The following CALN1 variants were observed in gnomAD, a reference collection of about 807,000 sequenced individuals.
CALN1 encodes calcium-binding protein 8.
Under a neutral mutation model 30.6 loss-of-function variants are expected in CALN1, and 17 were observed. The ratio of observed to expected loss-of-function variants is 0.56; its 90% confidence interval spans 0.38 to 0.83. The LOEUF is 0.83. Ranked by LOEUF, CALN1 falls within the 40% of genes least tolerant of loss-of-function variation. The probability of loss-of-function intolerance (pLI) is 0.00; values close to 1 mark genes in which losing one functional copy is unlikely to be tolerated. For synonymous variants in CALN1, 156 were observed against 131.4 expected, an observed-to-expected ratio of 1.19 and a Z score of -1.28; for missense variants, 291 against 354.9, an observed-to-expected ratio of 0.82 and a Z score of 1.45.
intron 5 of CALN1, among the ~76,000 whole-genome samples, chr7:71,936,924 T>C (rs772562200): frequency 1.3e-5 from 2 of 152,196 alleles, no homozygotes; most frequent in East Asian, 1.9e-4. Context: ...TCTCCCTCAT[T>C]TTCTCTTGCT....
At chr7:72,176,442 G>A (rs1198524324) in intron 3 of CALN1, among the ~76,000 whole-genome samples, 2 of 152,080 alleles carry the variant, frequency 1.3e-5, no homozygotes, top group Non-Finnish European at 2.9e-5. Context: ...AGGTGTTTGG[G>A]TCATGGGGGC....
chr7:72,400,304 G>A (rs1433567625), intron 2 of CALN1, among the ~76,000 whole-genome samples: 1 of 152,104 alleles, frequency 6.6e-6, no homozygotes, highest in Non-Finnish European at 1.5e-5. Context: ...TTGTTTCCCA[G>A]GGGATTTGGA....
At chr7:71,962,967 T>C (rs1274772551) in intron 5 of CALN1, among the ~76,000 whole-genome samples, 1 of 152,168 alleles carries the variant, frequency 6.6e-6, no homozygotes, top group African/African-American at 2.4e-5. Flanking sequence ...TAAATTCTCA[T>C]ATATAAGGAT....
intron 5 of CALN1, among the ~76,000 whole-genome samples, chr7:71,940,143 G>A (rs1796052137): frequency 6.6e-6 from 1 of 152,092 alleles, no homozygotes. Flanking sequence ...CCTTTTTCCA[G>A]GCTCTGATCT....
chr7:72,203,887 C>T (rs1791615546), intron 3 of CALN1, among the ~76,000 whole-genome samples: 2 of 151,314 alleles, frequency 1.3e-5, no homozygotes, highest in African/African-American at 2.4e-5. Flanking sequence ...AAAATATACC[C>T]ATTATCCCAA....
intron 4 of CALN1, among the ~76,000 whole-genome samples, chr7:72,063,065 C>T (rs1803774275): frequency 6.6e-6 from 1 of 152,072 alleles, no homozygotes; most frequent in African/African-American, 2.4e-5. Flanking sequence ...GAGTCTAATA[C>T]CTCTCATGAA....
chr7:72,012,153 C>T (rs1043917279), intron 5 of CALN1, among the ~76,000 whole-genome samples: 6 of 152,322 alleles, frequency 3.9e-5, no homozygotes, highest in African/African-American at 1.4e-4. Context: ...CACCTACAGC[C>T]GCTGGTCAGC....
At chr7:72,023,909 G>A (rs1013655763) in intron 4 of CALN1, 140 bp from the exon 5 acceptor site, 1 of 559,040 alleles carries the variant, frequency 1.8e-6, no homozygotes, top group Non-Finnish European at 3.2e-6. Context: ...ACTTAAAACT[G>A]TTCAATGTTC....
chr7:71,923,460 C>G (rs1795088351), intron 5 of CALN1, among the ~76,000 whole-genome samples: 1 of 152,116 alleles, frequency 6.6e-6, no homozygotes. Context: ...TGTGATTCAT[C>G]CAATTAACCT....
the CALN1 span, among the ~76,000 whole-genome samples, chr7:72,453,883 G>A: frequency 1.4e-4 from 22 of 152,170 alleles, no homozygotes; most frequent in South Asian, 2.1e-3. Flanking sequence ...GTTGGAGCCC[G>A]CTGGCACATC....
At chr7:72,154,666 C>T (rs537891050) in intron 3 of CALN1, among the ~76,000 whole-genome samples, 1 of 152,110 alleles carries the variant, frequency 6.6e-6, no homozygotes, top group Non-Finnish European at 1.5e-5. Context: ...GTCCTAACCT[C>T]CAGCAGGGCT....
intron 3 of CALN1, among the ~76,000 whole-genome samples, chr7:72,150,214 A>G (rs1451601281): frequency 6.6e-6 from 1 of 152,104 alleles, no homozygotes; most frequent in African/African-American, 2.4e-5. Flanking sequence ...AATCTTTTGC[A>G]TATGCAAGAT....
intron 2 of CALN1, among the ~76,000 whole-genome samples, chr7:72,372,016 G>C (rs1804274218): frequency 6.6e-6 from 1 of 152,168 alleles, no homozygotes; most frequent in Non-Finnish European, 1.5e-5. Flanking sequence ...TGGCATTTCT[G>C]AGATTGAATT....
chr7:72,296,184 G>C (rs1490301601), intron 2 of CALN1, among the ~76,000 whole-genome samples: 2 of 151,230 alleles, frequency 1.3e-5, no homozygotes, highest in Non-Finnish European at 2.9e-5. Context: ...TGCGTATATT[G>C]AACCAGCCTT....
chr7:72,143,518 C>G (rs565363174), intron 3 of CALN1, among the ~76,000 whole-genome samples: 5 of 152,088 alleles, frequency 3.3e-5, no homozygotes, highest in Non-Finnish European at 7.4e-5. Flanking sequence ...CTGAAAGTGA[C>G]GGGGAGAATG....
chr7:72,196,119 CTTTT>C (rs879574482), intron 3 of CALN1, among the ~76,000 whole-genome samples: 4 of 143,400 alleles, frequency 2.8e-5, no homozygotes, highest in African/African-American at 1.0e-4. Context: ...TTTTTCTTTT[CTTTT>C]TTTTTTTTAG....
intron 3 of CALN1, among the ~76,000 whole-genome samples, chr7:72,192,742 C>G (rs1161446660): frequency 6.6e-6 from 1 of 150,982 alleles, no homozygotes; most frequent in Non-Finnish European, 1.5e-5. Context: ...CATGCTGGTG[C>G]GCTGCACCCA....
intron 2 of CALN1, among the ~76,000 whole-genome samples, chr7:72,368,809 CTTTTTTTTTTTTTTT>C (rs57192078): frequency 2.0e-5 from 2 of 101,510 alleles, no homozygotes; most frequent in Non-Finnish European, 4.0e-5. Context: ...GTTTGAAACC[CTTTTTTTTTTTTTTT>C]TTTTTTTTGA....
chr7:72,145,177 C>T (rs1335358271), intron 3 of CALN1, among the ~76,000 whole-genome samples: 1 of 151,986 alleles, frequency 6.6e-6, no homozygotes, highest in Non-Finnish European at 1.5e-5. Flanking sequence ...TCAATGAATC[C>T]AGGAGCTGGT....
Sources: allele counts gnomAD v4.1 joint callset (sites outside exome capture counted in the v4.1 genomes callset), GRCh38; gene constraint gnomAD v4.1.1; transcripts MANE v1.5; gene names NCBI Gene and HGNC (gene_info 2026-07-23, HGNC 2026-07-21).